PAQR7: variants seen among roughly 807,000 people sequenced by gnomAD.
The protein encoded by PAQR7 is membrane progestin receptor alpha.
PAQR7 carries 14 observed loss-of-function variants against 24.6 expected under a neutral mutation model. That is an observed-to-expected ratio of 0.57 (90% CI 0.38 to 0.89). The LOEUF (loss-of-function observed/expected upper bound fraction) is 0.89, where lower values mean the gene tolerates loss of function less well. PAQR7 is among the 40% of genes least tolerant of loss of function. PAQR7 has a pLI of 0.00. For synonymous variants in PAQR7, 189 were observed against 198.8 expected, an observed-to-expected ratio of 0.95 and a Z score of 0.42; for missense variants, 351 against 444.0, an observed-to-expected ratio of 0.79 and a Z score of 1.88.
chr1:25,869,880 A>G (rs2048589587), intron 2 of PAQR7, among the ~76,000 whole-genome samples: 3 of 152,132 alleles, frequency 2.0e-5, no homozygotes, highest in Non-Finnish European at 4.4e-5. Flanking sequence ...TCCTTAGGTG[A>G]GTGACAGCGC....
intron 1 of PAQR7, among the ~76,000 whole-genome samples, chr1:25,873,504 G>GTT (rs113448673): frequency 2.4e-3 from 350 of 143,662 alleles, no homozygotes; most frequent in African/African-American, 8.6e-3. Context: ...AACAGAAACT[G>GTT]TTTTTTTTTT....
Position 25,863,331 on chromosome 1 carries a change from A to C in PAQR7, c.509T>G (p.Val170Gly). Reference protein sequence around the residue: ...YAIEPAWHAQVQAVFLPMAAF... With the variant: ...YAIEPAWHAQGQAVFLPMAAF... Reference sequence around the variant, plus strand: ...AGCCATGGGCAGAAAAACAGCCTGCACCTGGGCATGCCAGGCGGGCTCGAT... The same window carrying C: ...AGCCATGGGCAGAAAAACAGCCTGCCCCTGGGCATGCCAGGCGGGCTCGAT... Residue 170 changes from valine to glycine, a missense_variant, in exon 3 of 3, where the codon GTG becomes GGG. Coordinates refer to ENST00000675840, the MANE Select transcript of PAQR7 (RefSeq NM_178422.6). The surrounding 1 kb of genome is among the most constrained non-coding windows in gnomAD (Gnocchi z 6.1). 1.9e-6 allele frequency: 3 copies of C among 1,614,226 alleles called. No homozygotes were observed. The highest frequency in any genetic ancestry group is 2.5e-6 in the Non-Finnish European group (3 of 1,180,048).
At chr1:25,869,062 G>T (rs1351864356) in intron 2 of PAQR7, among the ~76,000 whole-genome samples, 1 of 152,108 alleles carries the variant, frequency 6.6e-6, no homozygotes, top group East Asian at 1.9e-4. Flanking sequence ...GGGAGGCGGA[G>T]GTTGCAGTGA....
chr1:25,870,130 G>A (rs921915393), intron 2 of PAQR7, among the ~76,000 whole-genome samples: 1 of 152,202 alleles, frequency 6.6e-6, no homozygotes, highest in Non-Finnish European at 1.5e-5. Context: ...AGCAGGATGA[G>A]GATGGATATC....
At chr1:25,868,910 C>T (rs529816445) in intron 2 of PAQR7, among the ~76,000 whole-genome samples, 3 of 151,066 alleles carry the variant, frequency 2.0e-5, no homozygotes, top group South Asian at 2.1e-4. Context: ...GGGTGGATCA[C>T]GAGGTCAAGA....
At chr1:25,867,273 C>T (rs561229155) in intron 2 of PAQR7, among the ~76,000 whole-genome samples, 7 of 152,014 alleles carry the variant, frequency 4.6e-5, no homozygotes, top group Non-Finnish European at 1.0e-4. Context: ...TGGCCTCAAG[C>T]GACCCTCCCA....
intron 1 of PAQR7, among the ~76,000 whole-genome samples, chr1:25,873,698 G>A (rs1369292870): frequency 6.6e-6 from 1 of 151,844 alleles, no homozygotes; most frequent in African/African-American, 2.4e-5. Flanking sequence ...AGCCTCCTGA[G>A]TAGCCCTGAC....
Position 25,862,901 on chromosome 1 carries a change from G to C in PAQR7, c.939C>G (p.His313Gln). 6.2e-7 allele frequency: 1 copy of C among 1,614,190 alleles called. No individual in the cohort carries two copies. Among genetic ancestry groups the C allele is most frequent in the Non-Finnish European group, 8.5e-7 (1 of 1,180,020 alleles). The change falls in exon 3 of 3, where the codon CAC (histidine) becomes CAG (glutamine). Residue 313 changes from histidine to glutamine, a missense_variant. By Grantham distance (24) the His-to-Gln change is conservative. Coordinates refer to ENST00000675840, the MANE Select transcript of PAQR7 (RefSeq NM_178422.6). The stretch of plus-strand genomic sequence containing the variant: ...TGAGCAGGAAGAGGCCAGAAAAGTT[G>C]TGAGGCCAGTGCGTGTGCAGAGGCT... ...IYEPLHTHWP[H>Q]NFSGLFLLTV...
At chr1:25,871,739 G>A (rs1352946704) in intron 1 of PAQR7, among the ~76,000 whole-genome samples, 1 of 152,216 alleles carries the variant, frequency 6.6e-6, no homozygotes, top group Non-Finnish European at 1.5e-5. Context: ...TATGGAGAGG[G>A]AGAGCCCTGG....
rs777929299 is a variant in PAQR7 at position 25,863,525 on chromosome 1, C to T, written c.315G>A (p.Leu105=). 2 of 1,614,158 alleles carry T rather than the reference C, an allele frequency of 1.2e-6. No individual in the cohort carries two copies. Among genetic ancestry groups the T allele is most frequent in the South Asian group, 1.1e-5 (1 of 91,082 alleles). The change falls in exon 3 of 3, where the codon CTG becomes CTA. Residue 105 remains leucine, a synonymous_variant. Coordinates refer to ENST00000675840, the MANE Select transcript of PAQR7 (RefSeq NM_178422.6). This position sits in a 1 kb window ranked among gnomAD's most constrained non-coding sequence, Gnocchi z 6.1. ...TVDFWGDPHA[L]PLFIIVLASF... is the part of the protein sequence containing the mutation. The stretch of plus-strand genomic sequence containing the variant: ...AGGCAAGGACAATGATGAAGAGGGG[C>T]AGGGCGTGTGGGTCTCCCCAGAAGT...
chr1:25,867,742 A>G lies in PAQR7; in HGVS notation c.-23+2867T>C, dbSNP rs143459719. 1.6e-3 allele frequency among the ~76,000 whole-genome samples: 247 copies of G among 152,314 alleles called. 2 individuals carry two copies. The highest frequency in any genetic ancestry group is 0.011 in the East Asian group (56 of 5,184). ...CTTGCTATGCAAGGGCAGCATCAAG[A>G]CGACCCCACCCCCACAAGCCCACAT... On this transcript the variant is annotated intron_variant, in intron 2 of 2. Transcript: ENST00000675840.
chr1:25,875,003 G>A lies in PAQR7; in HGVS notation c.-109+485C>T, dbSNP rs2048637375. Reference sequence around the variant, plus strand: ...GGGCACCCATACCCCTTCCTGTCCCGGTCTCACCTACATTCCTCCTCCAGA... The same window carrying A: ...GGGCACCCATACCCCTTCCTGTCCCAGTCTCACCTACATTCCTCCTCCAGA... On this transcript the variant is annotated intron_variant, in intron 1 of 2. Coordinates refer to ENST00000675840, the MANE Select transcript of PAQR7 (RefSeq NM_178422.6). This position sits in a 1 kb window ranked among gnomAD's most constrained non-coding sequence, Gnocchi z 5.4. Among the ~76,000 whole-genome samples the A allele has an allele frequency of 6.6e-6, 1 of 152,090 alleles. No homozygotes were observed. Among genetic ancestry groups the A allele is most frequent in the Non-Finnish European group, 1.5e-5 (1 of 68,004 alleles).
At chr1:25,874,095 C>A (rs1459102354) in intron 1 of PAQR7, among the ~76,000 whole-genome samples, 6 of 151,858 alleles carry the variant, frequency 4.0e-5, no homozygotes, top group African/African-American at 1.5e-4. Context: ...GTTGGTCAGG[C>A]TGGTCTCAAA....
intron 1 of PAQR7, among the ~76,000 whole-genome samples, chr1:25,872,730 C>T (rs936229924): frequency 2.0e-5 from 3 of 151,994 alleles, no homozygotes; most frequent in Non-Finnish European, 2.9e-5. Context: ...AGGCTGGTCT[C>T]GAACTCCTGG....
intron 2 of PAQR7, among the ~76,000 whole-genome samples, chr1:25,866,731 T>G (rs2124191869): frequency 6.6e-6 from 1 of 152,188 alleles, no homozygotes; most frequent in South Asian, 2.1e-4. Flanking sequence ...TTTTTGTGTG[T>G]TTTGTTTGTT....
chr1:25,873,921 T>C (rs2048625115), intron 1 of PAQR7, among the ~76,000 whole-genome samples: 1 of 152,156 alleles, frequency 6.6e-6, no homozygotes, highest in Admixed American at 6.5e-5. Context: ...TTCACTCTTG[T>C]TGCCCAGGCT....
chr1:25,872,110 C>T (rs1296380095), intron 1 of PAQR7, among the ~76,000 whole-genome samples: 1 of 152,252 alleles, frequency 6.6e-6, no homozygotes, highest in Non-Finnish European at 1.5e-5. Context: ...GTCCCTCAAC[C>T]TCTCTGAGCT....
Position 25,875,535 on chromosome 1 carries a change from G to T in PAQR7, c.-156C>A, listed in dbSNP as rs2048644695. ...GGGCCGCGGGGGCCGGGTCGGCGGA[G>T]CTGGCAGATAAAAGAGCAGCCGGGC... On this transcript the variant is annotated 5_prime_UTR_variant, in exon 1 of 3. Coordinates refer to ENST00000675840, the MANE Select transcript of PAQR7 (RefSeq NM_178422.6). This position sits in a 1 kb window ranked among gnomAD's most constrained non-coding sequence, Gnocchi z 5.4. 6.6e-6 allele frequency among the ~76,000 whole-genome samples: 1 copy of T among 152,074 alleles called. No individual in the cohort carries two copies. Among genetic ancestry groups the T allele is most frequent in the Admixed American group, 6.5e-5 (1 of 15,280 alleles).
chr1:25,874,444 G>A (rs542743788), intron 1 of PAQR7, among the ~76,000 whole-genome samples: 5 of 152,304 alleles, frequency 3.3e-5, no homozygotes, highest in Middle Eastern at 3.4e-3. Context: ...GGGTGAACGA[G>A]CTATAGTCAC....
Sources: allele counts gnomAD v4.1 joint callset (sites outside exome capture counted in the v4.1 genomes callset), GRCh38; gene constraint gnomAD v4.1.1; non-coding constraint Gnocchi (gnomAD v3.1); transcripts MANE v1.5; gene names NCBI Gene and HGNC (gene_info 2026-07-23, HGNC 2026-07-21).